NAV1: variants seen among roughly 807,000 people sequenced by gnomAD.
The protein encoded by NAV1 is pore membrane and/or filament interacting like protein 3.
Under a neutral mutation model 175.2 loss-of-function variants are expected in NAV1, and 18 were observed. The observed-to-expected ratio is 0.10, with a 90% CI of 0.07 to 0.15. The LOEUF (loss-of-function observed/expected upper bound fraction) is 0.15. Among genes scored for constraint, NAV1 ranks in the 10% least tolerant of loss-of-function variants. NAV1 has a pLI of 1.00. For synonymous variants in NAV1, 897 were observed against 978.7 expected (o/e 0.92, Z 1.56); for missense variants, 1,731 against 2,436.6 (o/e 0.71, Z 6.10).
At chr1:201,597,318 A>G (rs1418066807) in intron 2 of NAV1, among the ~76,000 whole-genome samples, 1 of 152,202 alleles carries the variant, frequency 6.6e-6, no homozygotes, top group Non-Finnish European at 1.5e-5. Context: ...GCCTTCACCC[A>G]GCTAAGGCAC....
At chr1:201,570,470 G>C (rs1666499418) in intron 1 of NAV1, among the ~76,000 whole-genome samples, 2 of 152,250 alleles carry the variant, frequency 1.3e-5, no homozygotes, top group South Asian at 4.1e-4. Context: ...CCAGCAAGCA[G>C]GCCTGCCCTG....
At chr1:201,613,307 C>A (rs572900684) in intron 2 of NAV1, among the ~76,000 whole-genome samples, 1 of 152,108 alleles carries the variant, frequency 6.6e-6, no homozygotes, top group Non-Finnish European at 1.5e-5. Flanking sequence ...GCCTCCCCCC[C>A]GCCACCAACC....
intron 1 of NAV1, among the ~76,000 whole-genome samples, chr1:201,709,985 C>A (rs1388154752): frequency 6.6e-6 from 1 of 152,020 alleles, no homozygotes; most frequent in Non-Finnish European, 1.5e-5. Context: ...CCACCACACT[C>A]TGCTGATGTG....
At chr1:201,618,158 C>A (rs1668057512), upstream of NAV1, among the ~76,000 whole-genome samples, 1 of 152,230 alleles carries the variant, frequency 6.6e-6, no homozygotes, top group South Asian at 2.1e-4. Flanking sequence ...CACCCCACCC[C>A]TGCTGCCAGA....
At chr1:201,732,416 C>T (rs2102526034) in intron 3 of NAV1, among the ~76,000 whole-genome samples, 3 of 152,182 alleles carry the variant, frequency 2.0e-5, no homozygotes, top group Admixed American at 2.0e-4. Context: ...TGGGCTCAAG[C>T]TATCCACCCA....
chr1:201,818,001 G>A (rs1679167069), intron 29 of NAV1, among the ~76,000 whole-genome samples: 1 of 152,142 alleles, frequency 6.6e-6, no homozygotes, highest in South Asian at 2.1e-4. Flanking sequence ...GCTGAGACAG[G>A]AGGAGGATGG....
At chr1:201,588,446 C>A (rs1667096616) in intron 1 of NAV1, among the ~76,000 whole-genome samples, 93 bp from the exon 2 acceptor site, 1 of 152,056 alleles carries the variant, frequency 6.6e-6, no homozygotes, top group Admixed American at 6.6e-5. Context: ...CTCCTGGGCT[C>A]AAGCGATCCT....
At chr1:201,662,536 A>T (rs1669654054) in intron 1 of NAV1, among the ~76,000 whole-genome samples, 1 of 152,170 alleles carries the variant, frequency 6.6e-6, no homozygotes, top group South Asian at 2.1e-4. Context: ...GAGGGTTCAG[A>T]TCAATTCCAG....
intron 3 of NAV1, chr1:201,733,423 A>G (rs1203476628): frequency 6.6e-6 from 1 of 152,214 alleles, no homozygotes; most frequent in Non-Finnish European, 1.5e-5. Flanking sequence ...CTTTGGCAGC[A>G]CATATACTAA....
intron 2 of NAV1, among the ~76,000 whole-genome samples, chr1:201,641,004 G>A (rs899013401): frequency 8.5e-5 from 13 of 152,208 alleles, no homozygotes; most frequent in Admixed American, 2.0e-4. Context: ...AGTGAACTGC[G>A]TGGGGAGAGT....
chr1:201,738,891 C>A (rs946331818), intron 3 of NAV1, among the ~76,000 whole-genome samples: 1 of 152,118 alleles, frequency 6.6e-6, no homozygotes, highest in Non-Finnish European at 1.5e-5. Context: ...TGTAGGCTTC[C>A]CAGTTTGCCC....
At chr1:201,654,586 G>C (rs1240403043) in intron 1 of NAV1, among the ~76,000 whole-genome samples, 3 of 152,050 alleles carry the variant, frequency 2.0e-5, no homozygotes, top group Non-Finnish European at 4.4e-5. Flanking sequence ...GTGCTGTATG[G>C]AGCAGGCTGA....
chr1:201,646,184 A>C (rs1203488470), upstream of NAV1, among the ~76,000 whole-genome samples: 1 of 152,098 alleles, frequency 6.6e-6, no homozygotes, highest in African/African-American at 2.4e-5. Context: ...GCATGATACC[A>C]CTCACATTCC....
chr1:201,590,733 G>A (rs898438990), intron 2 of NAV1, among the ~76,000 whole-genome samples: 5 of 152,228 alleles, frequency 3.3e-5, no homozygotes, highest in Non-Finnish European at 7.3e-5. Flanking sequence ...GCTTAGCCGA[G>A]TCGGCCAGGC....
At chr1:201,819,244 C>T (rs921204763) in intron 29 of NAV1, among the ~76,000 whole-genome samples, 6 of 152,144 alleles carry the variant, frequency 3.9e-5, no homozygotes, top group African/African-American at 7.2e-5. Flanking sequence ...AGTGCAAGCA[C>T]CCTGCAGGCA....
At chr1:201,545,299 C>G (rs1447846679) in intron 1 of NAV1, among the ~76,000 whole-genome samples, 1 of 152,116 alleles carries the variant, frequency 6.6e-6, no homozygotes, top group Admixed American at 6.5e-5. Flanking sequence ...AGACCTGACT[C>G]AGTCTCTGGG....
chr1:201,684,955 C>G (rs528205018), intron 1 of NAV1, among the ~76,000 whole-genome samples: 1 of 119,402 alleles, frequency 8.4e-6, no homozygotes, highest in Admixed American at 8.2e-5. Context: ...GAGCAAGACT[C>G]TGTCTCAAAA....
chr1:201,806,007 TAG>T, intron 17 of NAV1, among the ~76,000 whole-genome samples: 1 of 146,634 alleles, frequency 6.8e-6, no homozygotes, highest in Middle Eastern at 3.6e-3. Context: ...TTTTTTGAGG[TAG>T]AGTCTCACTG....
chr1:201,806,138 C>G (rs935275973), intron 17 of NAV1, among the ~76,000 whole-genome samples: 1 of 151,964 alleles, frequency 6.6e-6, no homozygotes, highest in African/African-American at 2.4e-5. Context: ...GCATGCACCA[C>G]CATGTCCAAC....
Sources: gnomAD v4.1 joint callset for allele counts (sites outside exome capture counted in the v4.1 genomes callset) on GRCh38, gnomAD v4.1.1 for gene constraint, MANE v1.5 for transcripts, NCBI Gene and HGNC (gene_info 2026-07-23, HGNC 2026-07-21) for gene names.